SHE: variants seen among roughly 807,000 people sequenced by gnomAD.
SHE encodes the protein SH2 domain-containing adapter protein E.
SHE carries 11 observed loss-of-function variants against 49.8 expected under a neutral mutation model. That is an observed-to-expected ratio of 0.22 (90% CI 0.14 to 0.37). SHE has a LOEUF of 0.37. Ranked by LOEUF, SHE falls within the 10% of genes least tolerant of loss-of-function variation. The probability of loss-of-function intolerance (pLI) is 1.00; values close to 1 mark genes in which losing one functional copy is unlikely to be tolerated. For synonymous variants in SHE, 310 were observed against 278.1 expected, an observed-to-expected ratio of 1.11 and a Z score of -1.14; for missense variants, 624 against 655.5, an observed-to-expected ratio of 0.95 and a Z score of 0.52.
In SHE at chr1:154,501,617, C is replaced by T. The variant is rs1692752714; in HGVS notation, c.410G>A (p.Ser137Asn). The stretch of plus-strand genomic sequence containing the variant: ...GTTGATGTAGGTGCTGCAGCCCGAG[C>T]TCTTGGTTGCACCCCGGTGGGGCTC... The part of the protein sequence containing the change: ...EEEPHRGATK[S>N]SGCSTYINRL... The change falls in exon 1 of 6, where the codon AGC (serine) becomes AAC (asparagine). Residue 137 changes from serine (S) to asparagine (N), a missense_variant. Ser to Asn is a conservative substitution (Grantham distance 46). Transcript: ENST00000304760. The T allele has an allele frequency of 1.9e-6, 3 of 1,614,214 alleles. No homozygotes were observed. The highest frequency in any genetic ancestry group is 2.7e-5 in the African/African-American group (2 of 75,070).
chr1:154,501,010 A>C (rs1179071664), intron 1 of SHE, among the ~76,000 whole-genome samples: 4 of 152,156 alleles, frequency 2.6e-5, no homozygotes, highest in Non-Finnish European at 5.9e-5. Flanking sequence ...CATTTCCTGA[A>C]GCTTTGAAAT....
At position 154,501,714 on chromosome 1, in the gene SHE, G is replaced by C. The variant is rs771625443; in HGVS notation, c.313C>G (p.Arg105Gly). Residue 105 changes from arginine to glycine, a missense_variant, in exon 1 of 6, where the codon CGC becomes GGC. By Grantham distance (125) the Arg-to-Gly change is moderately radical. Around this residue, in one of 4 missense-constraint regions of SHE, gnomAD observed 337 missense variants for 306.0 expected, o/e 1.10. Transcript: ENST00000304760. ...TGAATCAGACCCTGCAGGCTGTCGC[G>C]GGACAGCCGGCTGTCCTTGGGGCCG... ...GVGPKDSRLS[R>G]DSLQGLIQAA... The C allele has an allele frequency of 7.5e-6, 12 of 1,604,378 alleles. No homozygotes were observed. The South Asian group carries it at 7.7e-5, about 10-fold the overall frequency.
intron 1 of SHE, among the ~76,000 whole-genome samples, chr1:154,470,871 A>T (rs1691724866): frequency 6.6e-6 from 1 of 151,014 alleles, no homozygotes; most frequent in East Asian, 1.9e-4. Flanking sequence ...TTTGCCTGGC[A>T]TGGTGGCGGT....
chr1:154,489,114 G>A lies in SHE; in HGVS notation c.961C>T (p.Pro321Ser), dbSNP rs755203692. 6.2e-7 allele frequency: 1 copy of A among 1,613,244 alleles called. No homozygotes were observed. The highest frequency in any genetic ancestry group is 1.7e-5 in the Admixed American group (1 of 59,942). ...DSRLPENDER[P>S]AAEYEQPWEW... ...CATGGCTGCTCGTACTCTGCCGCGG[G>A]CCTCTCGTCGTTCTCGGGCAGCCGG... The change falls in exon 3 of 6, where the codon CCC (proline) becomes TCC (serine). Residue 321 changes from proline (P) to serine (S), a missense_variant. Physicochemically the swap from Pro to Ser is moderately conservative, Grantham distance 74. Coordinates refer to ENST00000304760, the MANE Select transcript of SHE (RefSeq NM_001010846.3).
chr1:154,484,473 T>C (rs1692110325), intron 5 of SHE, 138 bp from the exon 6 acceptor site: 2 of 686,732 alleles, frequency 2.9e-6, no homozygotes, highest in East Asian at 5.5e-5. Flanking sequence ...CAGAAATGCA[T>C]TCCACACTCT....
Position 154,481,665 on chromosome 1 carries a change from T to C in SHE, c.*2484A>G, listed in dbSNP as rs1692020918. On this transcript the variant is annotated 3_prime_UTR_variant, in exon 6 of 6. Transcript: ENST00000304760. ...TAGAATAAGGTTAAGTAAAAACGTT[T>C]CATTTCTAGAATGTTAAACTAAAAA... is the stretch of plus-strand genomic sequence containing the variant. 2 of 977,034 alleles carry C rather than the reference T, an allele frequency of 2.0e-6. No homozygotes were observed. The highest frequency in any genetic ancestry group is 2.4e-6 in the Non-Finnish European group (2 of 822,476). 60.5% of individuals were successfully genotyped at this position (977,034 alleles called of 1,614,324 possible). A position where few individuals can be genotyped will look rare whatever the true frequency, so the allele number is the denominator to read the frequency against.
intron 2 of SHE, among the ~76,000 whole-genome samples, chr1:154,490,985 AG>A (rs2149294744): frequency 6.6e-6 from 1 of 152,314 alleles, no homozygotes; most frequent in African/African-American, 2.4e-5. Context: ...CACAGTGAGA[AG>A]GAACTAGCAG....
intron 2 of SHE, among the ~76,000 whole-genome samples, chr1:154,493,915 C>T (rs1396826578): frequency 6.6e-6 from 1 of 152,204 alleles, no homozygotes; most frequent in African/African-American, 2.4e-5. Context: ...CCCATTTTCA[C>T]AGGTGAATAC....
chr1:154,484,512 A>G, intron 5 of SHE, 177 bp from the exon 6 acceptor site: 1 of 566,316 alleles, frequency 1.8e-6, no homozygotes, highest in Non-Finnish European at 3.1e-6. Context: ...TTCACAGTCT[A>G]AACGCATGTA....
At chr1:154,478,447 A>C (rs1392223889), downstream of SHE, among the ~76,000 whole-genome samples, 5 of 132,434 alleles carry the variant, frequency 3.8e-5, no homozygotes, top group East Asian at 2.5e-4. Flanking sequence ...AAAAAAAAAA[A>C]ACACTCTAGA....
In SHE at chr1:154,496,294, G is replaced by A. The variant is rs571568982; in HGVS notation, c.718+2818C>T. Among the ~76,000 whole-genome samples, 105 of 152,112 alleles carry A rather than the reference G, an allele frequency of 6.9e-4. 1 individual carries two copies. Among genetic ancestry groups the A allele is most frequent in the Non-Finnish European group, 1.3e-4 (9 of 67,976 alleles). The stretch of plus-strand genomic sequence containing the variant: ...CACTAGTTTAGAAAGTTAGTAATTT[G>A]GATTTTTAATAAATTTGAATTTATT... On this transcript the variant is annotated intron_variant, in intron 2 of 5. Transcript: ENST00000304760.
intron 2 of SHE, 138 bp downstream of exon 2, chr1:154,498,974 C>T: frequency 9.0e-7 from 1 of 1,111,846 alleles, no homozygotes; most frequent in Non-Finnish European, 1.3e-6. Context: ...AGTTTGGGGT[C>T]TAATTTCTGT....
intron 3 of SHE, among the ~76,000 whole-genome samples, chr1:154,486,922 G>C (rs1010857849): frequency 6.6e-6 from 1 of 152,130 alleles, no homozygotes; most frequent in Non-Finnish European, 1.5e-5. Flanking sequence ...GTATAAAACA[G>C]TTTTAGATTA....
Position 154,483,838 on chromosome 1 carries a change from A to T in SHE, c.*311T>A. The T allele has an allele frequency of 7.3e-4, 3 of 4,130 alleles. No homozygotes were observed. In the Non-Finnish European group the frequency reaches 0.15, roughly 207 times the overall value. The allele number at this position is 4,130 out of a possible 1,614,324, so 0.3% of individuals were successfully genotyped here. ...GAAACCCCATCTCTACTAAAAATAC[A>T]AAAAAAAAAATTAGCTGGGAGTGGT... On this transcript the variant is annotated 3_prime_UTR_variant, in exon 6 of 6. Coordinates refer to ENST00000304760, the MANE Select transcript of SHE (RefSeq NM_001010846.3).
At chr1:154,472,234 G>C (rs922029071) in intron 1 of SHE, among the ~76,000 whole-genome samples, 21 of 152,198 alleles carry the variant, frequency 1.4e-4, no homozygotes, top group Non-Finnish European at 2.9e-4. Flanking sequence ...GGTACGGCAT[G>C]GTAGAGTCTG....
chr1:154,470,407 T>G (rs1424728247), intron 1 of SHE: 1 of 1,288,428 alleles, frequency 7.8e-7, no homozygotes, highest in Admixed American at 2.3e-5. Flanking sequence ...AGCAGCCTTC[T>G]AAGAAAGCAT....
chr1:154,494,609 T>C (rs1267862026), intron 2 of SHE, among the ~76,000 whole-genome samples: 1 of 151,826 alleles, frequency 6.6e-6, no homozygotes, highest in Non-Finnish European at 1.5e-5. Context: ...AACAAAATCA[T>C]TTGGAAGTAA....
chr1:154,481,742 T>C lies in SHE; in HGVS notation c.*2407A>G, dbSNP rs974673585. ...ATAAAGATAATAAATATTTGTTGAA[T>C]GGATGCTGAAAAAACCTTTTAAAAT... On this transcript the variant is annotated 3_prime_UTR_variant, in exon 6 of 6. Transcript: ENST00000304760. 14 of 960,618 alleles carry C rather than the reference T, an allele frequency of 1.5e-5. No individual in the cohort carries two copies. Among genetic ancestry groups the C allele is most frequent in the African/African-American group, 1.8e-5 (1 of 56,726 alleles). 59.5% of individuals were successfully genotyped at this position (960,618 alleles called of 1,614,324 possible).
Position 154,481,887 on chromosome 1 carries a change from T to TCTCAA in SHE, c.*2261_*2262insTTGAG. On this transcript the variant is annotated 3_prime_UTR_variant, in exon 6 of 6. Transcript: ENST00000304760. ...CTTGTTGAGACAGGGTCTCACTCTG[T>TCTCAA]CACTCAGGCTGGAGTGCAATGGTGC... 1.3e-6 allele frequency: 1 copy of TCTCAA among 777,368 alleles called. No homozygotes were observed. Among genetic ancestry groups the TCTCAA allele is most frequent in the Non-Finnish European group, 1.6e-6 (1 of 640,234 alleles). The allele number at this position is 777,368 out of a possible 1,614,324, so 48.2% of individuals were successfully genotyped here. A position where few individuals can be genotyped will look rare whatever the true frequency, so the allele number is the denominator to read the frequency against.
Sources: allele counts gnomAD v4.1 joint callset (sites outside exome capture counted in the v4.1 genomes callset), GRCh38; gene constraint gnomAD v4.1.1; regional missense constraint gnomAD v4.1.1; transcripts MANE v1.5; gene names NCBI Gene and HGNC (gene_info 2026-07-23, HGNC 2026-07-21).